The following PPP4R3B variants were observed in gnomAD, a reference collection of about 807,000 sequenced individuals.
The protein encoded by PPP4R3B is protein phosphatase 4 regulatory subunit 3B.
A neutral mutation model predicts 95.4 loss-of-function variants in PPP4R3B; 52 were observed. The ratio of observed to expected loss-of-function variants is 0.54; its 90% CI spans 0.44 to 0.69. The LOEUF is 0.69. Ranked by LOEUF, PPP4R3B falls within the 30% of genes least tolerant of loss-of-function variation. The probability of loss-of-function intolerance (pLI) is 0.00; values close to 1 mark genes in which losing one functional copy is unlikely to be tolerated. For missense variants in PPP4R3B, 1,003 were observed against 1,005.9 expected (o/e 1.00, Z 0.04); for synonymous variants, 407 against 343.9 (o/e 1.18, Z -2.03).
At chr2:55,606,381 T>A (rs1388423268) in intron 2 of PPP4R3B, among the ~76,000 whole-genome samples, 1 of 152,058 alleles carries the variant, frequency 6.6e-6, no homozygotes, top group African/African-American at 2.4e-5. Flanking sequence ...TGGATATAAA[T>A]CCATATTTAA....
rs577287825 is a variant in PPP4R3B, at chr2:55,560,035, T to C, written c.2261-1067A>G. On this transcript the variant is annotated intron_variant, in intron 15 of 16. Transcript: ENST00000616407. ...TGCTCTGGTGGCTGAGGCAGGAGAA[T>C]TGCTTGAACCCTGGAGGCAGAGGAT... is the stretch of plus-strand genomic sequence containing the variant. 5.7e-4 allele frequency among the ~76,000 whole-genome samples: 87 copies of C among 152,182 alleles called. No individual in the cohort carries two copies. In the Middle Eastern group the frequency reaches 0.01, roughly 18 times the overall value.
intron 2 of PPP4R3B, among the ~76,000 whole-genome samples, chr2:55,613,055 G>T (rs908506167): frequency 3.9e-5 from 6 of 152,100 alleles, no homozygotes; most frequent in African/African-American, 1.4e-4. Flanking sequence ...AGGCTGCAGT[G>T]AGCTGTGATC....
At position 55,586,623 on chromosome 2, in the gene PPP4R3B, C is replaced by A. The variant is rs150960498; in HGVS notation, c.1111G>T (p.Val371Leu). Residue 371 changes from valine (V) to leucine (L), a missense_variant, in exon 6 of 17, where the codon GTA (valine) becomes TTA (leucine). Val to Leu is a conservative substitution (Grantham distance 32). Coordinates refer to ENST00000616407, the MANE Select transcript of PPP4R3B (RefSeq NM_001122964.3). ...KLGILPALEIVMGMDDLQVRS... is the reference protein window; with the variant it reads ...KLGILPALEILMGMDDLQVRS... ...AAAAGAAACGGCATAATTACCATTA[C>A]AATTTCAAGAGCAGGAAGAATTCCC... 1.5e-4 allele frequency: 245 copies of A among 1,583,522 alleles called. No homozygotes were observed. The highest frequency in any genetic ancestry group is 2.1e-4 in the Non-Finnish European group (238 of 1,158,678).
intron 13 of PPP4R3B, among the ~76,000 whole-genome samples, chr2:55,566,897 T>G (rs1179879326): frequency 6.6e-6 from 1 of 152,154 alleles, no homozygotes; most frequent in Non-Finnish European, 1.5e-5. Context: ...TTCCAATTAC[T>G]CAGGAGGCTG....
chr2:55,558,625 A>C, intron 16 of PPP4R3B, 150 bp downstream of exon 16: 1 of 593,412 alleles, frequency 1.7e-6, no homozygotes, highest in Non-Finnish European at 2.9e-6. Flanking sequence ...AAATAAAATA[A>C]AATAAAATTC....
chr2:55,596,738 G>A (rs927771248), intron 4 of PPP4R3B, among the ~76,000 whole-genome samples: 5 of 152,192 alleles, frequency 3.3e-5, no homozygotes, highest in Admixed American at 6.5e-5. Context: ...CAAGGCGGGC[G>A]GATCACCTGA....
chr2:55,583,886 A>G (rs1395325803), intron 7 of PPP4R3B, among the ~76,000 whole-genome samples: 2 of 152,232 alleles, frequency 1.3e-5, no homozygotes, highest in East Asian at 1.9e-4. Flanking sequence ...GCAAGCATCA[A>G]ATTAAAATTG....
rs528256694 is a variant in PPP4R3B at position 55,579,833 on chromosome 2, T to C, written c.1366-52A>G. On this transcript the variant is annotated intron_variant, in intron 8 of 16. Coordinates refer to ENST00000616407, the MANE Select transcript of PPP4R3B (RefSeq NM_001122964.3). ...ACTGTTACTTATGTAAATAAAAACA[T>C]CTTCAAGATTAGCAGTACATACCTT... 12 of 1,192,190 alleles carry C rather than the reference T, an allele frequency of 1.0e-5. No individual in the cohort carries two copies. The South Asian group carries it at 1.1e-4, about 11-fold the overall frequency. 73.9% of individuals were successfully genotyped at this position (1,192,190 alleles called of 1,614,324 possible). A position where few individuals can be genotyped will look rare whatever the true frequency, so the allele number is the denominator to read the frequency against.
At chr2:55,587,506 C>T (rs1486850083) in intron 5 of PPP4R3B, among the ~76,000 whole-genome samples, 1 of 152,230 alleles carries the variant, frequency 6.6e-6, no homozygotes, top group African/African-American at 2.4e-5. Flanking sequence ...AGCGCTTGAA[C>T]CCAGGAGGCG....
intron 16 of PPP4R3B, among the ~76,000 whole-genome samples, chr2:55,558,494 G>C (rs1315829051): frequency 6.6e-6 from 1 of 152,100 alleles, no homozygotes; most frequent in Non-Finnish European, 1.5e-5. Flanking sequence ...TGTAGTCCCA[G>C]CTACTTGGGA....
chr2:55,585,268 G>T, intron 6 of PPP4R3B, 101 bp from the exon 7 acceptor site: 1 of 739,324 alleles, frequency 1.4e-6, no homozygotes, highest in South Asian at 2.2e-5. Context: ...TCAACTTTTT[G>T]GATTAAGATG....
At chr2:55,591,144 CTT>C (rs568526753) in intron 4 of PPP4R3B, among the ~76,000 whole-genome samples, 1 of 143,454 alleles carries the variant, frequency 7.0e-6, no homozygotes, top group Admixed American at 7.0e-5. Context: ...TTAGTTTTTC[CTT>C]TTTTTTTTTT....
intron 2 of PPP4R3B, among the ~76,000 whole-genome samples, chr2:55,606,755 G>A (rs1693461374): frequency 6.6e-6 from 1 of 150,870 alleles, no homozygotes; most frequent in African/African-American, 2.4e-5. Context: ...CCCGGGAGGT[G>A]GAGATTTCAG....
chr2:55,613,587 A>G (rs985745920), intron 2 of PPP4R3B, among the ~76,000 whole-genome samples: 1 of 152,168 alleles, frequency 6.6e-6, no homozygotes, highest in African/African-American at 2.4e-5. Flanking sequence ...TAAAGTATTC[A>G]CAGAATCACT....
At chr2:55,573,540 G>T in intron 12 of PPP4R3B, 79 bp downstream of exon 12, 3 of 1,263,954 alleles carry the variant, frequency 2.4e-6, no homozygotes, top group Non-Finnish European at 3.3e-6. Flanking sequence ...AATATACACT[G>T]CTAATAAATA....
At chr2:55,584,177 T>G (rs1398256669) in intron 7 of PPP4R3B, among the ~76,000 whole-genome samples, 2 of 151,978 alleles carry the variant, frequency 1.3e-5, no homozygotes, top group African/African-American at 2.4e-5. Flanking sequence ...AGGAAGACAA[T>G]TATAATTATC....
intron 13 of PPP4R3B, among the ~76,000 whole-genome samples, chr2:55,566,162 T>C (rs72803546): frequency 0.036 from 5,536 of 152,246 alleles, 144 homozygotes; most frequent in South Asian, 0.09. Flanking sequence ...CTTGAAAAGA[T>C]ACACCATAAT....
intron 11 of PPP4R3B, among the ~76,000 whole-genome samples, chr2:55,574,694 C>T (rs1416087202): frequency 6.6e-6 from 1 of 151,254 alleles, no homozygotes; most frequent in Non-Finnish European, 1.5e-5. Flanking sequence ...CCTGGGTTCA[C>T]GACATTCTCC....
intron 11 of PPP4R3B, among the ~76,000 whole-genome samples, chr2:55,575,972 G>C (rs920867506): frequency 6.6e-6 from 1 of 152,152 alleles, no homozygotes; most frequent in Non-Finnish European, 1.5e-5. Context: ...TTAAATGCAA[G>C]TAAAGAGTTT....
Sources: allele counts gnomAD v4.1 joint callset (sites outside exome capture counted in the v4.1 genomes callset), GRCh38; gene constraint gnomAD v4.1.1; transcripts MANE v1.5; gene names NCBI Gene and HGNC (gene_info 2026-07-23, HGNC 2026-07-21).